Variants in PLA2G6 observed in about 807,000 individuals in gnomAD.
The protein encoded by PLA2G6 is phospholipase A2 group VI, also known as 85/88 kDa calcium-independent phospholipase A2.
In PLA2G6, 62 loss-of-function variants were observed where a neutral mutation model predicts 83.8. The observed-to-expected ratio is 0.74, with a 90% CI of 0.60 to 0.91. PLA2G6 has a LOEUF of 0.91. Ranked by LOEUF, PLA2G6 falls within the 40% of genes least tolerant of loss-of-function variation. PLA2G6 has a pLI of 0.00. For synonymous variants in PLA2G6, 417 were observed against 449.8 expected (o/e 0.93, Z 0.92); for missense variants, 944 against 1,102.0 (o/e 0.86, Z 2.03).
At chr22:38,157,315 G>A (rs928798968) in intron 2 of PLA2G6, among the ~76,000 whole-genome samples, 5 of 152,064 alleles carry the variant, frequency 3.3e-5, no homozygotes, top group Non-Finnish European at 7.4e-5. Context: ...ATTATTAGAG[G>A]TTACTGTGAA....
intron 2 of PLA2G6, among the ~76,000 whole-genome samples, chr22:38,160,327 A>C (rs979771447): frequency 2.6e-5 from 4 of 152,230 alleles, no homozygotes; most frequent in African/African-American, 7.2e-5. Context: ...GTTGAAGACA[A>C]GTTATGGCCC....
In PLA2G6 at chr22:38,112,165, G is replaced by C. The variant is rs140758033; in HGVS notation, c.2417C>G (p.Pro806Arg). 5.1e-4 allele frequency: 812 copies of C among 1,581,658 alleles called. 3 individuals are homozygous for C. In the East Asian group the frequency reaches 0.015, roughly 28 times the overall value. The change falls in exon 17 of 17, where the codon CCC (proline) becomes CGC (arginine). Residue 806 changes from proline (P) to arginine (R), a missense_variant. Coordinates refer to ENST00000332509, the MANE Select transcript of PLA2G6 (RefSeq NM_003560.4). ...CCGGTGAGAGGCTGGGGACCCTCAG[G>C]GTGAGAGCAGCAGCTGGATGAGCTT... ...FQKLIQLLLS[P>R]
chr22:38,134,783 G>C, intron 6 of PLA2G6: 1 of 585,044 alleles, frequency 1.7e-6, no homozygotes, highest in Non-Finnish European at 3.1e-6. Flanking sequence ...CTGAGGCACA[G>C]GGCGGATCCC....
chr22:38,176,628 A>G (rs1183905637), intron 1 of PLA2G6, among the ~76,000 whole-genome samples: 1 of 152,176 alleles, frequency 6.6e-6, no homozygotes, highest in African/African-American at 2.4e-5. Context: ...CGTCTGTGCC[A>G]CACAGCACGG....
chr22:38,124,824 C>T (rs2087739826), intron 10 of PLA2G6, among the ~76,000 whole-genome samples: 1 of 152,116 alleles, frequency 6.6e-6, no homozygotes, highest in Non-Finnish European at 1.5e-5. Context: ...CCCAGCCCCA[C>T]AGCAAGCCTA....
rs550986520 is a variant in PLA2G6 at position 38,157,575 on chromosome 22, G to C, written c.209+11643C>G. 7.9e-5 allele frequency among the ~76,000 whole-genome samples: 12 copies of C among 152,274 alleles called. No homozygotes were observed. In the South Asian group the frequency reaches 1.9e-3, roughly 24 times the overall value. On this transcript the variant is annotated intron_variant, in intron 2 of 16. Transcript: ENST00000332509. ...CCTACTCAAACTATTATGAAAAACA[G>C]AGGAGAGAAAACTTCCAAACTCATT...
At chr22:38,153,157 C>T (rs1469107003) in intron 2 of PLA2G6, among the ~76,000 whole-genome samples, 1 of 152,180 alleles carries the variant, frequency 6.6e-6, no homozygotes, top group Non-Finnish European at 1.5e-5. Flanking sequence ...TAGGGCTGGG[C>T]GCGGTGGCTC....
intron 11 of PLA2G6, 190 bp from the exon 12 acceptor site, chr22:38,121,099 T>C: frequency 1.7e-6 from 1 of 592,850 alleles, no homozygotes; most frequent in Non-Finnish European, 3.0e-6. Flanking sequence ...TCCTTCCGGC[T>C]GGACATGGTG....
At chr22:38,131,781 G>A (rs1164872145) in intron 7 of PLA2G6, 3 of 239,266 alleles carry the variant, frequency 1.3e-5, no homozygotes, top group Admixed American at 1.0e-4. Context: ...CTGTACATAC[G>A]GTATTGCTAT....
intron 2 of PLA2G6, 91 bp downstream of exon 2, chr22:38,169,127 C>G: frequency 9.8e-7 from 1 of 1,023,746 alleles, no homozygotes. Flanking sequence ...GACAGAGACT[C>G]AAAGAAACTG....
At position 38,128,442 on chromosome 22, in the gene PLA2G6, T is replaced by A. The variant is rs2088004655; in HGVS notation, c.1187-12A>T. ...CTTCCTGGTGACAACTTGTCATGGT[T>A]TGGGGAAGGGGAGATGGCACAGGAT... On this transcript the variant is annotated splice_polypyrimidine_tract_variant and intron_variant, in intron 8 of 16. Transcript: ENST00000332509. This position sits in a 1 kb window ranked among gnomAD's most constrained non-coding sequence, Gnocchi z 4.4. The A allele has an allele frequency of 6.2e-7, 1 of 1,613,850 alleles. No individual in the cohort carries two copies. The highest frequency in any genetic ancestry group is 1.1e-5 in the South Asian group (1 of 91,058).
intron 13 of PLA2G6, 105 bp from the exon 14 acceptor site, chr22:38,115,786 GA>G: frequency 6.7e-7 from 1 of 1,494,736 alleles, no homozygotes; most frequent in Non-Finnish European, 8.9e-7. Context: ...GGTGCGGGAA[GA>G]GGGGAGGCTG....
rs150024227 is a variant in PLA2G6, at chr22:38,169,336, C to T, written c.91G>A (p.Asp31Asn). The T allele has an allele frequency of 4.4e-4, 706 of 1,614,118 alleles. 1 individual carries two copies. Among genetic ancestry groups the T allele is most frequent in the Admixed American group, 1.1e-3 (65 of 60,020 alleles). ...PFRVKEVAVA[D>N]YTSSDRVREE... ...CGAACTCGGTCACTCGAGGTGTAGT[C>T]GGCCACAGCCACCTCCTTCACCCGG... Residue 31 changes from aspartate to asparagine, a missense_variant, in exon 2 of 17, where the codon GAC becomes AAC. Physicochemically the swap from Asp to Asn is conservative, Grantham distance 23. Transcript: ENST00000332509.
Position 38,139,939 on chromosome 22 carries a change from G to A in PLA2G6, c.797+43C>T, listed in dbSNP as rs12329956. The A allele has an allele frequency of 0.35, 517,467 of 1,476,462 alleles. 93,660 individuals are homozygous for A. The highest frequency in any genetic ancestry group is 0.42 in the South Asian group (34,744 of 83,288). 91.5% of individuals were successfully genotyped at this position (1,476,462 alleles called of 1,614,324 possible). A position where few individuals can be genotyped will look rare whatever the true frequency, so the allele number is the denominator to read the frequency against. On this transcript the variant is annotated intron_variant, in intron 5 of 16. Transcript: ENST00000332509. Reference sequence around the variant, plus strand: ...GCACGGGACAGGTGACAGGAGAGCTGGAGCCCAGCAGGCCAGCAGATGGGG... The same window carrying A: ...GCACGGGACAGGTGACAGGAGAGCTAGAGCCCAGCAGGCCAGCAGATGGGG...
At chr22:38,116,912 A>T (rs1383049087) in intron 12 of PLA2G6, among the ~76,000 whole-genome samples, 2 of 151,346 alleles carry the variant, frequency 1.3e-5, no homozygotes, top group Non-Finnish European at 2.9e-5. Context: ...CAATAAGCTT[A>T]AAGATTTAGA....
intron 8 of PLA2G6, 147 bp downstream of exon 8, chr22:38,129,307 C>A (rs1299518769): frequency 1.4e-6 from 1 of 693,006 alleles, no homozygotes; most frequent in Non-Finnish European, 2.7e-6. Context: ...GAAGCCCCCT[C>A]TCTGAGTACG....
intron 2 of PLA2G6, among the ~76,000 whole-genome samples, chr22:38,164,229 G>A (rs1044550632): frequency 6.6e-6 from 1 of 152,310 alleles, no homozygotes; most frequent in East Asian, 1.9e-4. Flanking sequence ...GGCAGGAAGG[G>A]CCAGGATCAG....
At chr22:38,118,003 T>G (rs1445485896) in intron 12 of PLA2G6, among the ~76,000 whole-genome samples, 1 of 143,412 alleles carries the variant, frequency 7.0e-6, no homozygotes, top group Non-Finnish European at 1.5e-5. Context: ...GCCACTGCAC[T>G]CCAGCCTGGG....
intron 1 of PLA2G6, among the ~76,000 whole-genome samples, chr22:38,178,298 C>T (rs113999105): frequency 1.3e-5 from 2 of 152,280 alleles, no homozygotes; most frequent in African/African-American, 4.8e-5. Flanking sequence ...TGGTCAGGCA[C>T]GGCAGTTCAC....
Sources: allele counts gnomAD v4.1 joint callset (sites outside exome capture counted in the v4.1 genomes callset), GRCh38; gene constraint gnomAD v4.1.1; non-coding constraint Gnocchi (gnomAD v3.1); transcripts MANE v1.5; gene names NCBI Gene and HGNC (gene_info 2026-07-23, HGNC 2026-07-21).